Variants in EHBP1 observed in about 807,000 individuals in gnomAD.
EHBP1 encodes the protein EH domain binding protein 1, also known as EH domain-binding protein 1.
A neutral mutation model predicts 144.0 loss-of-function variants in EHBP1; 55 were observed. That is an observed-to-expected ratio of 0.38 (90% CI 0.31 to 0.48). EHBP1 has a LOEUF of 0.48. Among genes scored for constraint, EHBP1 ranks in the 20% least tolerant of loss-of-function variants. The probability of loss-of-function intolerance (pLI) is 0.98; values close to 1 mark genes in which losing one functional copy is unlikely to be tolerated. For synonymous variants in EHBP1, 469 were observed against 472.7 expected (o/e 0.99, Z 0.10); for missense variants, 1,200 against 1,364.2 (o/e 0.88, Z 1.90).
intron 5 of EHBP1, among the ~76,000 whole-genome samples, chr2:62,791,461 T>TA (rs2043163343): frequency 6.6e-6 from 1 of 152,080 alleles, no homozygotes; most frequent in Non-Finnish European, 1.5e-5. Flanking sequence ...AGCTACATTT[T>TA]AAAATCTAAA....
At chr2:62,909,581 G>T (rs1038018290) in intron 10 of EHBP1, among the ~76,000 whole-genome samples, 1 of 152,194 alleles carries the variant, frequency 6.6e-6, no homozygotes, top group Non-Finnish European at 1.5e-5. Flanking sequence ...TGCCTCTGTG[G>T]GTTCTAAAAG....
At chr2:62,917,908 T>G (rs908688800) in intron 10 of EHBP1, among the ~76,000 whole-genome samples, 3 of 152,106 alleles carry the variant, frequency 2.0e-5, no homozygotes, top group Non-Finnish European at 4.4e-5. Flanking sequence ...CTTCTTTTTT[T>G]TTTTTTTAGA....
intron 4 of EHBP1, among the ~76,000 whole-genome samples, chr2:62,769,860 A>G (rs970134693): frequency 4.6e-5 from 7 of 151,760 alleles, no homozygotes; most frequent in Non-Finnish European, 8.8e-5. Context: ...ACCCAGAAAC[A>G]AGGCCACACA....
chr2:62,882,993 G>GCA (rs374467303), intron 10 of EHBP1, among the ~76,000 whole-genome samples: 1 of 151,684 alleles, frequency 6.6e-6, no homozygotes, highest in Admixed American at 6.6e-5. Context: ...ACACACAGAT[G>GCA]CACACACACA....
chr2:62,760,679 A>G (rs894796179), intron 3 of EHBP1, among the ~76,000 whole-genome samples: 2 of 152,142 alleles, frequency 1.3e-5, no homozygotes, highest in Non-Finnish European at 2.9e-5. Context: ...ATACACTGAA[A>G]TATTAAGTCC....
chr2:63,035,978 A>G (rs570545194), intron 19 of EHBP1, among the ~76,000 whole-genome samples: 2 of 152,140 alleles, frequency 1.3e-5, no homozygotes, highest in African/African-American at 4.8e-5. Context: ...ACTCTAAAAG[A>G]ATCTGTCCTA....
chr2:62,727,312 T>A (rs2036917099), intron 2 of EHBP1, among the ~76,000 whole-genome samples: 2 of 152,118 alleles, frequency 1.3e-5, no homozygotes, highest in South Asian at 4.1e-4. Context: ...TTAAACAGAT[T>A]TATTGAGGTA....
intron 14 of EHBP1, chr2:62,965,046 C>G (rs889113922): frequency 6.6e-6 from 1 of 152,566 alleles, no homozygotes; most frequent in African/African-American, 2.4e-5. Context: ...AGGTGAGCTT[C>G]CTTGTGTTCA....
At chr2:62,938,074 G>A (rs2056502062) in intron 10 of EHBP1, among the ~76,000 whole-genome samples, 1 of 152,008 alleles carries the variant, frequency 6.6e-6, no homozygotes, top group Non-Finnish European at 1.5e-5. Context: ...AGAATTCAAA[G>A]GTGATTCTGA....
intron 19 of EHBP1, among the ~76,000 whole-genome samples, chr2:63,014,172 A>G (rs991142389): frequency 6.6e-6 from 1 of 152,242 alleles, no homozygotes; most frequent in African/African-American, 2.4e-5. Context: ...TGTTGAGTAC[A>G]AGTGCTAAAA....
At chr2:62,757,881 C>T (rs940006470) in intron 3 of EHBP1, among the ~76,000 whole-genome samples, 4 of 151,970 alleles carry the variant, frequency 2.6e-5, no homozygotes, top group Admixed American at 6.6e-5. Flanking sequence ...AATAATAGGA[C>T]GCCTTCTGTA....
chr2:62,729,101 G>A (rs1465959043), intron 2 of EHBP1, among the ~76,000 whole-genome samples: 2 of 150,462 alleles, frequency 1.3e-5, no homozygotes, highest in African/African-American at 4.9e-5. Context: ...TGCAGAAGAC[G>A]TAAGACAATA....
intron 16 of EHBP1, among the ~76,000 whole-genome samples, chr2:62,992,462 T>C (rs1421801528): frequency 2.0e-5 from 3 of 152,228 alleles, no homozygotes; most frequent in Admixed American, 2.0e-4. Context: ...TTTAAAGTTA[T>C]TCCAACAAAA....
chr2:63,039,769 G>A (rs1417290020), intron 21 of EHBP1, among the ~76,000 whole-genome samples: 1 of 152,060 alleles, frequency 6.6e-6, no homozygotes, highest in South Asian at 2.1e-4. Context: ...CATGCTATTT[G>A]TCTGAATACT....
chr2:62,770,694 A>AG (rs2041594837), intron 4 of EHBP1, among the ~76,000 whole-genome samples: 2 of 152,216 alleles, frequency 1.3e-5, no homozygotes, highest in Non-Finnish European at 1.5e-5. Flanking sequence ...TCTGCCATAA[A>AG]GAAACATGCA....
intron 8 of EHBP1, among the ~76,000 whole-genome samples, chr2:62,863,816 T>TA (rs2049803352): frequency 6.7e-6 from 1 of 150,214 alleles, no homozygotes; most frequent in African/African-American, 2.4e-5. Context: ...TATTTTATTT[T>TA]TTTAAATTTT....
intron 2 of EHBP1, among the ~76,000 whole-genome samples, chr2:62,720,363 CTTTAAATATGTCCT>C (rs1157036379): frequency 2.6e-5 from 4 of 152,156 alleles, no homozygotes. Context: ...ATTAGCCTTC[CTTTAAATATGTCCT>C]TATTCTGTTT....
At chr2:62,953,080 G>T (rs779949253) in intron 13 of EHBP1, among the ~76,000 whole-genome samples, 2 of 151,954 alleles carry the variant, frequency 1.3e-5, no homozygotes, top group Non-Finnish European at 2.9e-5. Context: ...TAGCCAGGGT[G>T]GTGGCACATG....
At chr2:62,736,003 A>C (rs919089694) in intron 2 of EHBP1, among the ~76,000 whole-genome samples, 4 of 151,294 alleles carry the variant, frequency 2.6e-5, no homozygotes, top group Admixed American at 1.3e-4. Flanking sequence ...TTTGGCCTTT[A>C]TCCTGCTTGG....
Sources: gnomAD v4.1 joint callset for allele counts (sites outside exome capture counted in the v4.1 genomes callset) on GRCh38, gnomAD v4.1.1 for gene constraint, MANE v1.5 for transcripts, NCBI Gene and HGNC (gene_info 2026-07-23, HGNC 2026-07-21) for gene names.